NFXL1: variants seen among roughly 807,000 people sequenced by gnomAD.
NFXL1 encodes the protein NF-X1-type zinc finger protein NFXL1.
In NFXL1, 66 loss-of-function variants were observed where a neutral mutation model predicts 123.3. The observed-to-expected ratio is 0.54, with a 90% CI of 0.44 to 0.66. NFXL1 has a LOEUF of 0.66. NFXL1 is among the 30% of genes least tolerant of loss of function. The pLI is 0.00. For synonymous variants in NFXL1, 346 were observed against 360.8 expected, an observed-to-expected ratio of 0.96 and a Z score of 0.46; for missense variants, 944 against 1,125.6, an observed-to-expected ratio of 0.84 and a Z score of 2.31.
chr4:47,857,842 G>A (rs1007840125), intron 19 of NFXL1, among the ~76,000 whole-genome samples: 1 of 152,188 alleles, frequency 6.6e-6, no homozygotes, highest in Admixed American at 6.5e-5. Context: ...AAAAGAGCGA[G>A]ATGGTGGTTT....
At chr4:47,907,393 T>C (rs1737612353) in intron 3 of NFXL1, among the ~76,000 whole-genome samples, 1 of 152,240 alleles carries the variant, frequency 6.6e-6, no homozygotes, top group African/African-American at 2.4e-5. Flanking sequence ...ATAAGTTCTC[T>C]TTCAACAGCA....
intron 18 of NFXL1, among the ~76,000 whole-genome samples, chr4:47,871,657 C>T (rs552865847): frequency 2.0e-5 from 3 of 152,188 alleles, no homozygotes; most frequent in Non-Finnish European, 4.4e-5. Context: ...AAGTTCATTA[C>T]TATCCATTAA....
At position 47,855,051 on chromosome 4, in the gene NFXL1, A is replaced by G. The variant is rs1734331523; in HGVS notation, c.2421+8T>C. On this transcript the variant is annotated splice_region_variant and intron_variant, in intron 20 of 22. Coordinates refer to ENST00000507489, the MANE Select transcript of NFXL1 (RefSeq NM_001278624.2). ...AGAAAAGTATTTTCAATAACTTAAA[A>G]TATTTACCTTTTTTATTCTTTTACA... 4.8e-6 allele frequency: 6 copies of G among 1,243,464 alleles called. No homozygotes were observed. The highest frequency in any genetic ancestry group is 6.9e-6 in the Non-Finnish European group (6 of 873,754). The allele number at this position is 1,243,464 out of a possible 1,614,324, so 77.0% of individuals were successfully genotyped here. A position where few individuals can be genotyped will look rare whatever the true frequency, so the allele number is the denominator to read the frequency against.
intron 18 of NFXL1, among the ~76,000 whole-genome samples, chr4:47,871,139 A>G (rs188221952): frequency 6.6e-6 from 1 of 152,320 alleles, no homozygotes; most frequent in African/African-American, 2.4e-5. Context: ...TCACGAGGTC[A>G]GGAGATCAAG....
At chr4:47,898,653 C>CT in intron 8 of NFXL1, 104 bp downstream of exon 8, 1 of 718,096 alleles carries the variant, frequency 1.4e-6, no homozygotes, top group Non-Finnish European at 2.5e-6. Context: ...GCTATTCTTC[C>CT]TTGCCTTTTA....
intron 10 of NFXL1, among the ~76,000 whole-genome samples, chr4:47,894,539 T>TA (rs200680311): frequency 0.11 from 15,294 of 139,350 alleles, 983 homozygotes; most frequent in East Asian, 0.36. Flanking sequence ...ATTGAATAGT[T>TA]AAAAAAAAAA....
chr4:47,907,105 A>G (rs1737597617), intron 3 of NFXL1, among the ~76,000 whole-genome samples: 1 of 152,234 alleles, frequency 6.6e-6, no homozygotes, highest in Admixed American at 6.5e-5. Context: ...GGCTTGAAGT[A>G]GGCAATGACA....
intron 4 of NFXL1, 93 bp downstream of exon 4, chr4:47,905,144 A>G: frequency 1.9e-6 from 1 of 528,540 alleles, no homozygotes; most frequent in East Asian, 2.9e-5. Context: ...TTTAAACATA[A>G]GTAAACAAAA....
chr4:47,861,088 T>A (rs957622080), intron 19 of NFXL1, among the ~76,000 whole-genome samples: 1 of 151,284 alleles, frequency 6.6e-6, no homozygotes, highest in Non-Finnish European at 1.5e-5. Context: ...CTCGAACTCC[T>A]CACCTCAGGT....
intron 19 of NFXL1, among the ~76,000 whole-genome samples, 175 bp from the exon 20 acceptor site, chr4:47,855,338 TATATA>T (rs1357771262): frequency 1.3e-5 from 2 of 149,258 alleles, no homozygotes; most frequent in African/African-American, 4.9e-5. Flanking sequence ...TAATTACACT[TATATA>T]ATTTAATTAT....
At chr4:47,890,587 A>G in intron 12 of NFXL1, 26 bp downstream of exon 12, 2 of 1,274,896 alleles carry the variant, frequency 1.6e-6, no homozygotes, top group Non-Finnish European at 2.3e-6. Context: ...TACAAACATA[A>G]AATCATAGCT....
At chr4:47,870,604 G>GA (rs111655275) in intron 18 of NFXL1, among the ~76,000 whole-genome samples, 8 of 149,626 alleles carry the variant, frequency 5.3e-5, no homozygotes, top group South Asian at 4.2e-4. Context: ...AAACCCCAAG[G>GA]AAAAAAAAAA....
intron 18 of NFXL1, 133 bp downstream of exon 18, chr4:47,874,990 TCTTC>T: frequency 2.1e-6 from 1 of 473,656 alleles, no homozygotes. Context: ...ATTCTACATG[TCTTC>T]CTTCCAGGTC....
At chr4:47,891,151 T>C (rs1261795115) in intron 11 of NFXL1, among the ~76,000 whole-genome samples, 3 of 150,426 alleles carry the variant, frequency 2.0e-5, no homozygotes, top group Non-Finnish European at 4.4e-5. Context: ...TCTGGCTCTG[T>C]CTCAGGTTAG....
intron 10 of NFXL1, 142 bp downstream of exon 10, chr4:47,896,381 C>A: frequency 1.7e-6 from 1 of 573,094 alleles, no homozygotes; most frequent in South Asian, 3.0e-5. Flanking sequence ...GCTTCTTATC[C>A]TAATATTAGG....
chr4:47,886,950 T>G (rs1736471375), intron 12 of NFXL1, among the ~76,000 whole-genome samples: 1 of 152,196 alleles, frequency 6.6e-6, no homozygotes, highest in Admixed American at 6.5e-5. Context: ...CACAGTCAAT[T>G]TTCCATTAAT....
chr4:47,911,167 A>T (rs188201401), intron 2 of NFXL1, among the ~76,000 whole-genome samples, 173 bp from the exon 3 acceptor site: 2 of 152,348 alleles, frequency 1.3e-5, no homozygotes, highest in African/African-American at 4.8e-5. Context: ...AACTAAAGAG[A>T]ATACCACAAC....
At chr4:47,851,047 C>A in intron 22 of NFXL1, 48 bp downstream of exon 22, 1 of 1,390,098 alleles carries the variant, frequency 7.2e-7, no homozygotes, top group African/African-American at 1.4e-5. Context: ...TGCACAAAAT[C>A]TAGCAATGAT....
chr4:47,905,097 A>G (rs1737504258), intron 4 of NFXL1, 140 bp downstream of exon 4: 1 of 427,666 alleles, frequency 2.3e-6, no homozygotes, highest in East Asian at 3.5e-5. Context: ...TTTAAAATGA[A>G]GATCAATTCA....
Sources: allele counts gnomAD v4.1 joint callset (sites outside exome capture counted in the v4.1 genomes callset), GRCh38; gene constraint gnomAD v4.1.1; transcripts MANE v1.5; gene names NCBI Gene and HGNC (gene_info 2026-07-23, HGNC 2026-07-21).